SCAPER: variants seen among roughly 807,000 people sequenced by gnomAD.
The protein encoded by SCAPER is S phase cyclin A-associated protein in the endoplasmic reticulum.
A neutral mutation model predicts 182.2 loss-of-function variants in SCAPER; 98 were observed. The ratio of observed to expected loss-of-function variants is 0.54; its 90% CI spans 0.46 to 0.64. The LOEUF is 0.64. SCAPER is among the 30% of genes least tolerant of loss of function. The pLI, the probability that SCAPER is intolerant of heterozygous loss-of-function variation, is 0.00. For synonymous variants in SCAPER, 605 were observed against 564.6 expected, an observed-to-expected ratio of 1.07 and a Z score of -1.01; for missense variants, 1,432 against 1,690.0, an observed-to-expected ratio of 0.85 and a Z score of 2.68.
At chr15:76,816,595 G>C (rs1252756246) in intron 5 of SCAPER, among the ~76,000 whole-genome samples, 1 of 151,848 alleles carries the variant, frequency 6.6e-6, no homozygotes, top group East Asian at 1.9e-4. Flanking sequence ...TTGTTAAGCA[G>C]AAGGAATACA....
intron 24 of SCAPER, among the ~76,000 whole-genome samples, chr15:76,498,148 T>A (rs952219266): frequency 4.6e-5 from 7 of 152,184 alleles, no homozygotes; most frequent in Admixed American, 1.3e-4. Flanking sequence ...GGTAACACAG[T>A]AGGCTACTAC....
At chr15:76,483,250 C>G (rs1225850270) in intron 24 of SCAPER, among the ~76,000 whole-genome samples, 2 of 146,810 alleles carry the variant, frequency 1.4e-5, no homozygotes, top group Non-Finnish European at 3.0e-5. Flanking sequence ...AAACAAAGAA[C>G]AGTCATTTCA....
At chr15:76,637,742 ATGTGTGTGTGTGTGTGTGTG>A (rs55726181) in intron 21 of SCAPER, among the ~76,000 whole-genome samples, 2,879 of 105,836 alleles carry the variant, frequency 0.027, 207 homozygotes, top group African/African-American at 0.1. Flanking sequence ...ATATATATAT[ATGTGTGTGTGTGTGTGTGTG>A]TGTGTGTGTG....
At chr15:76,425,953 T>TG (rs2046395123) in intron 26 of SCAPER, among the ~76,000 whole-genome samples, 1 of 152,236 alleles carries the variant, frequency 6.6e-6, no homozygotes, top group African/African-American at 2.4e-5. Flanking sequence ...CAAATGTTGC[T>TG]GCCTGATCGT....
intron 30 of SCAPER, among the ~76,000 whole-genome samples, chr15:76,352,496 T>C (rs2040634548): frequency 6.6e-6 from 1 of 151,780 alleles, no homozygotes; most frequent in South Asian, 2.1e-4. Context: ...CTTTTTTTTT[T>C]TTTTTGATGG....
rs2046174562 is a variant in SCAPER, at chr15:76,556,082, G to A, written c.2838+18076C>T. ...AGAAATGAATACTAGGACGGCCACTGAAAACCATATACATAGTACATGTGC... is the reference window on the plus strand; with the variant it reads ...AGAAATGAATACTAGGACGGCCACTAAAAACCATATACATAGTACATGTGC... On this transcript the variant is annotated intron_variant, in intron 23 of 31. Transcript: ENST00000563290. 5.9e-5 allele frequency among the ~76,000 whole-genome samples: 9 copies of A among 152,128 alleles called. 1 individual carries two copies. In the South Asian group the frequency reaches 1.9e-3, roughly 32 times the overall value.
At chr15:76,822,492 C>T (rs761626685) in intron 5 of SCAPER, among the ~76,000 whole-genome samples, 4 of 152,196 alleles carry the variant, frequency 2.6e-5, no homozygotes, top group East Asian at 1.9e-4. Flanking sequence ...GGGTTATCTG[C>T]CTTCTGTTAC....
chr15:76,774,099 C>T (rs2063613184), intron 9 of SCAPER, among the ~76,000 whole-genome samples: 1 of 151,822 alleles, frequency 6.6e-6, no homozygotes, highest in Admixed American at 6.6e-5. Flanking sequence ...CAAATTTTAA[C>T]ACTGCAAATG....
At chr15:76,691,766 GT>G (rs1330993953) in intron 20 of SCAPER, among the ~76,000 whole-genome samples, 5 of 152,060 alleles carry the variant, frequency 3.3e-5, no homozygotes, top group Non-Finnish European at 7.4e-5. Context: ...TCTATGAATA[GT>G]TTACATACAT....
rs1599162086 is a variant in SCAPER at position 76,862,515 on chromosome 15, T to C, written c.25A>G (p.Asn9Asp). The change falls in exon 3 of 32, where the codon AAT (asparagine) becomes GAT (aspartate). Residue 9 changes from asparagine (N) to aspartate (D), a missense_variant. Asn to Asp is a conservative substitution (Grantham distance 23). Coordinates refer to ENST00000563290, the MANE Select transcript of SCAPER (RefSeq NM_020843.4). ...ATTCTCCTTACTTTGTCATGACTAT[T>C]GGAGCGCTGGAATGAAGCCTATGTA... Reference protein sequence around the residue: MMASFQRSNSHDKVRRIVA... With the variant: MMASFQRSDSHDKVRRIVA... 1 of 1,611,526 alleles carries C rather than the reference T, an allele frequency of 6.2e-7. No homozygotes were observed. Among genetic ancestry groups the C allele is most frequent in the East Asian group, 2.2e-5 (1 of 44,792 alleles).
intron 21 of SCAPER, among the ~76,000 whole-genome samples, chr15:76,631,179 G>T (rs769582009): frequency 6.6e-6 from 1 of 152,076 alleles, no homozygotes; most frequent in Non-Finnish European, 1.5e-5. Flanking sequence ...CGGTCTATGT[G>T]TGTCTTTGCA....
rs770528122 is a variant in SCAPER at position 76,774,868 on chromosome 15, G to C, written c.1022C>G (p.Ala341Gly). The C allele has an allele frequency of 3.7e-6, 6 of 1,608,494 alleles. No homozygotes were observed. The highest frequency in any genetic ancestry group is 3.3e-5 in the South Asian group (3 of 90,114). ...DSLHSCDHPL[A>G]EKTQFTVSTL... Reference sequence around the variant, plus strand: ...AGAATGTACTACCTGGGTTTTTTCGGCAAGAGGATGGTCACAAGAGTGTAA... The same window carrying C: ...AGAATGTACTACCTGGGTTTTTTCGCCAAGAGGATGGTCACAAGAGTGTAA... The change falls in exon 9 of 32, where the codon GCC (alanine) becomes GGC (glycine). Residue 341 changes from alanine (A) to glycine (G), a missense_variant. Around this residue, in one of 5 missense-constraint regions of SCAPER, gnomAD observed 480 missense variants for 510.2 expected, o/e 0.94. Coordinates refer to ENST00000563290, the MANE Select transcript of SCAPER (RefSeq NM_020843.4).
At chr15:76,891,846 C>T (rs909864689) in intron 1 of SCAPER, among the ~76,000 whole-genome samples, 1 of 152,012 alleles carries the variant, frequency 6.6e-6, no homozygotes, top group Non-Finnish European at 1.5e-5. Context: ...TCATATGGAA[C>T]CAAAAAAGAG....
chr15:76,817,585 C>A (rs2067189993), intron 5 of SCAPER, among the ~76,000 whole-genome samples: 1 of 152,018 alleles, frequency 6.6e-6, no homozygotes, highest in Admixed American at 6.5e-5. Context: ...ACCACACACA[C>A]AAAAAGGTAA....
At chr15:76,891,540 T>C (rs1282766141) in intron 1 of SCAPER, among the ~76,000 whole-genome samples, 1 of 152,140 alleles carries the variant, frequency 6.6e-6, no homozygotes, top group Non-Finnish European at 1.5e-5. Flanking sequence ...GAGAGCCCAA[T>C]CATGAGTGAA....
chr15:76,558,397 C>T (rs1410844450), intron 23 of SCAPER, among the ~76,000 whole-genome samples: 1 of 152,174 alleles, frequency 6.6e-6, no homozygotes, highest in Non-Finnish European at 1.5e-5. Context: ...AAATGCTCAA[C>T]ACCACTAACC....
rs142859606 is a variant in SCAPER at position 76,837,164 on chromosome 15, G to A, written c.393+4570C>T. 3.6e-4 allele frequency among the ~76,000 whole-genome samples: 55 copies of A among 152,226 alleles called. No individual in the cohort carries two copies. In the East Asian group the frequency reaches 9.3e-3, roughly 26 times the overall value. ...GCATCTGACAAAGGTCCAATATCTA[G>A]AATCTATAAGGAATTTAAATCAACA... On this transcript the variant is annotated intron_variant, in intron 5 of 31. Coordinates refer to ENST00000563290, the MANE Select transcript of SCAPER (RefSeq NM_020843.4).
intron 27 of SCAPER, among the ~76,000 whole-genome samples, chr15:76,389,764 T>C (rs1036736748): frequency 2.9e-4 from 35 of 122,294 alleles, no homozygotes; most frequent in African/African-American, 1.1e-3. Flanking sequence ...GCTGCAGGAG[T>C]GGAGATGCGC....
intron 26 of SCAPER, among the ~76,000 whole-genome samples, chr15:76,421,030 T>C (rs2045998790): frequency 6.6e-6 from 1 of 152,240 alleles, no homozygotes; most frequent in Non-Finnish European, 1.5e-5. Flanking sequence ...ATGATGTACA[T>C]CTGGGTTGGT....
Sources: allele counts gnomAD v4.1 joint callset (sites outside exome capture counted in the v4.1 genomes callset), GRCh38; gene constraint gnomAD v4.1.1; regional missense constraint gnomAD v4.1.1; transcripts MANE v1.5; gene names NCBI Gene and HGNC (gene_info 2026-07-23, HGNC 2026-07-21).